The following CDC25C variants were observed in gnomAD, a reference collection of about 807,000 sequenced individuals.
CDC25C encodes the protein cell division cycle 25C.
CDC25C carries 48 observed loss-of-function variants against 52.5 expected under a neutral mutation model. The observed-to-expected ratio is 0.91, with a 90% CI of 0.72 to 1.16. The LOEUF (loss-of-function observed/expected upper bound fraction) is 1.16, where lower values mean the gene tolerates loss of function less well. CDC25C is among the 50% of genes most tolerant of loss of function. CDC25C has a pLI of 0.00. For missense variants in CDC25C, 510 were observed against 566.1 expected, an observed-to-expected ratio of 0.90 and a Z score of 1.01; for synonymous variants, 187 against 206.5, an observed-to-expected ratio of 0.91 and a Z score of 0.81.
rs1382445273 is a variant in CDC25C at position 138,331,677 on chromosome 5, G to A, written c.-121C>T. The A allele has an allele frequency of 6.7e-5, 66 of 992,364 alleles. No homozygotes were observed. The highest frequency in any genetic ancestry group is 7.8e-5 in the Non-Finnish European group (65 of 833,744). 61.5% of individuals were successfully genotyped at this position (992,364 alleles called of 1,614,324 possible). On this transcript the variant is annotated 5_prime_UTR_variant, in exon 1 of 14. Transcript: ENST00000323760. The stretch of plus-strand genomic sequence containing the variant: ...ACACAGGCGAAGACTTGAGCAGAAT[G>A]AAAGGAAATCTAGGGGAAAGGAGGT...
chr5:138,299,090 G>A (rs1757434470), intron 7 of CDC25C, among the ~76,000 whole-genome samples: 1 of 151,094 alleles, frequency 6.6e-6, no homozygotes, highest in South Asian at 2.1e-4. Flanking sequence ...CTACTCGGGA[G>A]GCTGAGGCAG....
At chr5:138,323,061 T>G (rs933023094) in intron 6 of CDC25C, among the ~76,000 whole-genome samples, 3 of 151,318 alleles carry the variant, frequency 2.0e-5, no homozygotes, top group Admixed American at 6.6e-5. Context: ...GTTCAAGCCA[T>G]TCTTGTTTCT....
At chr5:138,285,960 G>A (rs916517630) in intron 13 of CDC25C, 62 bp downstream of exon 13, 1 of 1,527,790 alleles carries the variant, frequency 6.5e-7, no homozygotes, top group African/African-American at 1.4e-5. Context: ...TTCTCTGAAG[G>A]CTTTGCAGGC....
chr5:138,325,388 A>G (rs1042465655), intron 6 of CDC25C, among the ~76,000 whole-genome samples: 4 of 152,192 alleles, frequency 2.6e-5, no homozygotes, highest in African/African-American at 9.6e-5. Context: ...GCCTCCTCGG[A>G]ATAAGGGCTT....
At chr5:138,329,719 T>A in intron 2 of CDC25C, 72 bp from the exon 3 acceptor site, 2 of 622,558 alleles carry the variant, frequency 3.2e-6, no homozygotes, top group Non-Finnish European at 2.7e-6. Context: ...GATCATGTCA[T>A]CCTCTTCTTT....
Position 138,286,507 on chromosome 5 carries a change from C to A in CDC25C, c.1150G>T (p.Gly384Cys). The A allele has an allele frequency of 6.2e-7, 1 of 1,611,354 alleles. No homozygotes were observed. The highest frequency in any genetic ancestry group is 8.5e-7 in the Non-Finnish European group (1 of 1,178,804). Reference protein sequence around the residue: ...VFHCEFSSERGPRMCRCLREE... With the variant: ...VFHCEFSSERCPRMCRCLREE... ...CATTTAGACACTCACATTCGGGGGC[C>A]CCTCTCTGAGGAGAATTCACAGTGG... Residue 384 changes from glycine to cysteine, a missense_variant, in exon 12 of 14, where the codon GGC becomes TGC. Physicochemically the swap from Gly to Cys is radical, Grantham distance 159 (BLOSUM62 -3). Coordinates refer to ENST00000323760, the MANE Select transcript of CDC25C (RefSeq NM_001790.5).
At chr5:138,338,164 TG>T (rs1321329928) in exon 1 of CDC25C, 5 of 1,289,580 alleles carry the variant, frequency 3.9e-6, no homozygotes, top group Non-Finnish European at 5.1e-6. Context: ...ATGGGTGGCT[TG>T]GGGGGATTCT....
At chr5:138,301,051 A>G (rs1220038243) in intron 7 of CDC25C, among the ~76,000 whole-genome samples, 1 of 152,230 alleles carries the variant, frequency 6.6e-6, no homozygotes, top group African/African-American at 2.4e-5. Context: ...CAATGACCTT[A>G]GCTTCAACCT....
chr5:138,332,874 G>C (rs1032527046), upstream of CDC25C, among the ~76,000 whole-genome samples: 3 of 152,136 alleles, frequency 2.0e-5, no homozygotes, highest in African/African-American at 4.8e-5. Flanking sequence ...TTAGGGATTT[G>C]CTTTTAAATA....
intron 4 of CDC25C, among the ~76,000 whole-genome samples, chr5:138,328,263 G>T (rs1760058490): frequency 6.6e-6 from 1 of 152,100 alleles, no homozygotes; most frequent in Non-Finnish European, 1.5e-5. Flanking sequence ...TTTCCTTATA[G>T]ATACTTCTGA....
chr5:138,322,995 C>G (rs1759562112), intron 6 of CDC25C, among the ~76,000 whole-genome samples: 2 of 150,684 alleles, frequency 1.3e-5, no homozygotes, highest in African/African-American at 4.9e-5. Context: ...CCTGTCCATT[C>G]ACTGCACTGG....
intron 7 of CDC25C, among the ~76,000 whole-genome samples, chr5:138,293,250 A>C (rs1756898825): frequency 6.6e-6 from 1 of 152,170 alleles, no homozygotes; most frequent in African/African-American, 2.4e-5. Flanking sequence ...CTGGTTGAAC[A>C]CATCTATTTA....
At chr5:138,320,346 C>G (rs1012439228) in intron 6 of CDC25C, among the ~76,000 whole-genome samples, 10 of 151,884 alleles carry the variant, frequency 6.6e-5, no homozygotes, top group African/African-American at 2.4e-4. Flanking sequence ...AGCAAGGACT[C>G]AAGCAGATTT....
intron 7 of CDC25C, among the ~76,000 whole-genome samples, chr5:138,292,688 G>A (rs1756850914): frequency 6.6e-6 from 1 of 151,998 alleles, no homozygotes; most frequent in Non-Finnish European, 1.5e-5. Context: ...AACCCATCAG[G>A]GAAAAAAAAG....
At chr5:138,309,522 A>G (rs1758283110) in intron 7 of CDC25C, among the ~76,000 whole-genome samples, 1 of 151,912 alleles carries the variant, frequency 6.6e-6, no homozygotes, top group Non-Finnish European at 1.5e-5. Context: ...ACACCATCAC[A>G]CTCCAGCCTG....
At chr5:138,327,334 A>G (rs1192004355) in intron 4 of CDC25C, among the ~76,000 whole-genome samples, 1 of 129,074 alleles carries the variant, frequency 7.7e-6, no homozygotes, top group Non-Finnish European at 1.6e-5. Flanking sequence ...AAGCAATTCA[A>G]GCTGGGCCCA....
In CDC25C at chr5:138,319,210, A is replaced by G. The variant is rs1759145774; in HGVS notation, c.615+9T>C. On this transcript the variant is annotated intron_variant, in intron 7 of 13. Transcript: ENST00000323760. ...AAGAATACAAAGATACTACCACAGA[A>G]CACTTTACCTTTGCTTCTTGATCTT... 1 of 1,606,612 alleles carries G rather than the reference A, an allele frequency of 6.2e-7. No individual in the cohort carries two copies. Among genetic ancestry groups the G allele is most frequent in the Admixed American group, 1.7e-5 (1 of 59,622 alleles).
At chr5:138,328,387 G>T in intron 4 of CDC25C, 97 bp downstream of exon 4, 1 of 1,100,238 alleles carries the variant, frequency 9.1e-7, no homozygotes, top group Non-Finnish European at 1.4e-6. Context: ...TACCCAGTAT[G>T]AAAGGTTTTG....
intron 9 of CDC25C, among the ~76,000 whole-genome samples, 198 bp from the exon 10 acceptor site, chr5:138,289,761 C>A (rs1345865632): frequency 6.6e-6 from 1 of 150,414 alleles, no homozygotes; most frequent in East Asian, 1.9e-4. Flanking sequence ...AGGATGTGTA[C>A]GAAGTTTTAG....
Sources: allele counts gnomAD v4.1 joint callset (sites outside exome capture counted in the v4.1 genomes callset), GRCh38; gene constraint gnomAD v4.1.1; transcripts MANE v1.5; gene names NCBI Gene and HGNC (gene_info 2026-07-23, HGNC 2026-07-21).